Variants in DUSP7 observed in about 807,000 individuals in gnomAD.
DUSP7 encodes dual specificity phosphatase 7, also known as dual specificity protein phosphatase 7.
A neutral mutation model predicts 29.8 loss-of-function variants in DUSP7; 7 were observed. That is an observed-to-expected ratio of 0.24 (90% CI 0.13 to 0.44). The LOEUF (loss-of-function observed/expected upper bound fraction) is 0.44, where lower values mean the gene tolerates loss of function less well. DUSP7 is among the 20% of genes least tolerant of loss of function. The probability of loss-of-function intolerance (pLI) is 1.00; values close to 1 mark genes in which losing one functional copy is unlikely to be tolerated. For synonymous variants in DUSP7, 287 were observed against 275.4 expected, an observed-to-expected ratio of 1.04 and a Z score of -0.42; for missense variants, 400 against 583.7, an observed-to-expected ratio of 0.69 and a Z score of 3.24.
rs1701831132 is a variant in DUSP7, at chr3:52,050,121, C to T, written c.*694G>A. The T allele has an allele frequency of 6.6e-6, 1 of 152,240 alleles. No individual in the cohort carries two copies. Among genetic ancestry groups the T allele is most frequent in the African/African-American group, 2.4e-5 (1 of 41,448 alleles). The allele number at this position is 152,240 out of a possible 1,614,324, so 9.4% of individuals were successfully genotyped here. ...GCGGCACGACTGGGGGTCCCAATAC[C>T]TGAAGAGCAGTAAGCCACCCCTTCA... On this transcript the variant is annotated 3_prime_UTR_variant, in exon 3 of 3. Transcript: ENST00000495880. This position sits in a 1 kb window ranked among gnomAD's most constrained non-coding sequence, Gnocchi z 5.0.
intron 1 of DUSP7, 100 bp downstream of exon 1, chr3:52,055,750 G>T: frequency 7.3e-7 from 1 of 1,371,854 alleles, no homozygotes; most frequent in Non-Finnish European, 9.6e-7. Flanking sequence ...GCGCCCAGAG[G>T]GGCAGGCCGA....
intron 1 of DUSP7, 120 bp downstream of exon 1, chr3:52,055,730 G>C: frequency 7.9e-7 from 1 of 1,265,982 alleles, no homozygotes; most frequent in Non-Finnish European, 1.0e-6. Flanking sequence ...TGCGGGCCGG[G>C]GACGACGTGG....
Position 52,053,832 on chromosome 3 carries a change from C to A in DUSP7, c.952+108G>T, listed in dbSNP as rs754725054. 2.2e-5 allele frequency: 28 copies of A among 1,261,756 alleles called. No individual in the cohort carries two copies. In the South Asian group the frequency reaches 3.5e-4, roughly 16 times the overall value. The allele number at this position is 1,261,756 out of a possible 1,614,324, so 78.2% of individuals were successfully genotyped here. A position where few individuals can be genotyped will look rare whatever the true frequency, so the allele number is the denominator to read the frequency against. On this transcript the variant is annotated intron_variant, in intron 2 of 2. Coordinates refer to ENST00000495880, the MANE Select transcript of DUSP7 (RefSeq NM_001947.4). This position sits in a 1 kb window ranked among gnomAD's most constrained non-coding sequence, Gnocchi z 4.6. The stretch of plus-strand genomic sequence containing the variant: ...CACACGCTGGCACACGTAGGGCACA[C>A]ACAGGTCTCAACAGGCCCAGAGGTA...
chr3:52,056,017 T>G lies in DUSP7; in HGVS notation c.350A>C (p.Asn117Thr). The G allele has an allele frequency of 6.3e-7, 1 of 1,592,224 alleles. No homozygotes were observed. Among genetic ancestry groups the G allele is most frequent in the Non-Finnish European group, 8.5e-7 (1 of 1,169,746 alleles). The change falls in exon 1 of 3, where the codon AAC becomes ACC. Residue 117 changes from asparagine to threonine, a missense_variant. By Grantham distance (65) the Asn-to-Thr change is moderately conservative. Around this residue, in one of 4 missense-constraint regions of DUSP7, gnomAD observed 223 missense variants for 360.9 expected, o/e 0.62. Coordinates refer to ENST00000495880, the MANE Select transcript of DUSP7 (RefSeq NM_001947.4). This position sits in a 1 kb window ranked among gnomAD's most constrained non-coding sequence, Gnocchi z 6.4. ...GNLPIRSIIPNHADKERFATR... is the reference protein window; with the variant it reads ...GNLPIRSIIPTHADKERFATR... ...GGCGAAGCGCTCCTTGTCGGCGTGG[T>G]TGGGGATGATGGAGCGGATGGGCAG...
chr3:52,054,338 T>G lies in DUSP7; in HGVS notation c.554A>C (p.His185Pro). The G allele has an allele frequency of 6.5e-7, 1 of 1,548,812 alleles. No homozygotes were observed. The highest frequency in any genetic ancestry group is 8.7e-7 in the Non-Finnish European group (1 of 1,147,128). The part of the protein sequence containing the change: ...FNKFQTEYSE[H>P]CETNVDSSSS... The stretch of plus-strand genomic sequence containing the variant: ...AGAGCTGTCCACGTTGGTCTCGCAG[T>G]GCTCAGAGTACTCTGTTTGAAACTT... The change falls in exon 2 of 3, where the codon CAC (histidine) becomes CCC (proline). Residue 185 changes from histidine (H) to proline (P), a missense_variant. Transcript: ENST00000495880. This position sits in a 1 kb window ranked among gnomAD's most constrained non-coding sequence, Gnocchi z 4.1.
rs199552251 is a variant in DUSP7 at position 52,049,807 on chromosome 3, A to G, written c.*1008T>C. 6.6e-6 allele frequency: 1 copy of G among 152,248 alleles called. No individual in the cohort carries two copies. The highest frequency in any genetic ancestry group is 2.4e-5 in the African/African-American group (1 of 41,458). The allele number at this position is 152,248 out of a possible 1,614,324, so 9.4% of individuals were successfully genotyped here. A position where few individuals can be genotyped will look rare whatever the true frequency, so the allele number is the denominator to read the frequency against. On this transcript the variant is annotated 3_prime_UTR_variant, in exon 3 of 3. Coordinates refer to ENST00000495880, the MANE Select transcript of DUSP7 (RefSeq NM_001947.4). ...AAGAGAGAGAGACAGACAGACAGAC[A>G]GAAGTAGTGGCTAAGTATATAAAAG...
chr3:52,055,753 C>T (rs2106894809), intron 1 of DUSP7, 97 bp downstream of exon 1: 2 of 1,382,720 alleles, frequency 1.4e-6, no homozygotes, highest in Non-Finnish European at 1.9e-6. Flanking sequence ...CCCAGAGGGG[C>T]AGGCCGAGCG....
Position 52,054,694 on chromosome 3 carries a change from T to C in DUSP7, c.518-320A>G, listed in dbSNP as rs1258417846. On this transcript the variant is annotated intron_variant, in intron 1 of 2. Coordinates refer to ENST00000495880, the MANE Select transcript of DUSP7 (RefSeq NM_001947.4). The surrounding 1 kb of genome is among the most constrained non-coding windows in gnomAD (Gnocchi z 4.1). ...TTGAGGACAGGCCCCAGCTAATTCC[T>C]CTTCTGCAGCTCCCACGCACACCTA... Among the ~76,000 whole-genome samples the C allele has an allele frequency of 6.6e-6, 1 of 152,124 alleles. No homozygotes were observed. The highest frequency in any genetic ancestry group is 1.5e-5 in the Non-Finnish European group (1 of 68,026).
In DUSP7 at chr3:52,056,252, C is replaced by A; in HGVS notation, c.115G>T (p.Ala39Ser). Residue 39 changes from alanine (A) to serine (S), a missense_variant, in exon 1 of 3, where the codon GCA becomes TCA. By Grantham distance (99) the Ala-to-Ser change is moderately conservative. Around this residue, in one of 4 missense-constraint regions of DUSP7, gnomAD observed 96 missense variants for 97.1 expected, o/e 0.99. Transcript: ENST00000495880. This position sits in a 1 kb window ranked among gnomAD's most constrained non-coding sequence, Gnocchi z 6.4. Reference sequence around the variant, plus strand: ...GTCGCCGCGCCCGCCCCGGTGCCTGCGCCGGACCCCGACCCCGCACCGGGC... The same window carrying A: ...GTCGCCGCGCCCGCCCCGGTGCCTGAGCCGGACCCCGACCCCGCACCGGGC... ...SEPGAGSGSG[A>S]GTGAGAATGA... 1 of 1,364,498 alleles carries A rather than the reference C, an allele frequency of 7.3e-7. No homozygotes were observed. Among genetic ancestry groups the A allele is most frequent in the South Asian group, 1.7e-5 (1 of 58,604 alleles). The allele number at this position is 1,364,498 out of a possible 1,614,324, so 84.5% of individuals were successfully genotyped here. A position where few individuals can be genotyped will look rare whatever the true frequency, so the allele number is the denominator to read the frequency against.
At chr3:52,055,424 G>A (rs1435441728) in intron 1 of DUSP7, among the ~76,000 whole-genome samples, 2 of 152,204 alleles carry the variant, frequency 1.3e-5, no homozygotes, top group African/African-American at 4.8e-5. Flanking sequence ...TGCGCTGGAG[G>A]TGAGGATGGT....
At chr3:52,055,123 C>T (rs1424562444) in intron 1 of DUSP7, among the ~76,000 whole-genome samples, 1 of 152,244 alleles carries the variant, frequency 6.6e-6, no homozygotes, top group Non-Finnish European at 1.5e-5. Flanking sequence ...ATGGGCCCTG[C>T]GCCCGAGGGT....
chr3:52,053,777 A>T lies in DUSP7; in HGVS notation c.952+163T>A. The T allele has an allele frequency of 1.4e-6, 1 of 729,592 alleles. No individual in the cohort carries two copies. The highest frequency in any genetic ancestry group is 2.3e-6 in the Non-Finnish European group (1 of 442,530). 45.2% of individuals were successfully genotyped at this position (729,592 alleles called of 1,614,324 possible). A position where few individuals can be genotyped will look rare whatever the true frequency, so the allele number is the denominator to read the frequency against. ...GTAGAGGGGCCCAAGGGACTCGGTG[A>T]CTCACAGTAGGCCTGGGTACACCCA... On this transcript the variant is annotated intron_variant, in intron 2 of 2. Coordinates refer to ENST00000495880, the MANE Select transcript of DUSP7 (RefSeq NM_001947.4). This position sits in a 1 kb window ranked among gnomAD's most constrained non-coding sequence, Gnocchi z 4.6.
At chr3:52,055,764 C>A (rs1701894477) in intron 1 of DUSP7, 86 bp downstream of exon 1, 5 of 1,414,272 alleles carry the variant, frequency 3.5e-6, no homozygotes, top group Non-Finnish European at 4.6e-6. Context: ...AGGCCGAGCG[C>A]GTGGAGAGGA....
Position 52,056,187 on chromosome 3 carries a change from C to A in DUSP7, c.180G>T (p.Leu60=), listed in dbSNP as rs1423848406. 11 of 1,572,402 alleles carry A rather than the reference C, an allele frequency of 7.0e-6. No homozygotes were observed. Among genetic ancestry groups the A allele is most frequent in the Non-Finnish European group, 9.4e-6 (11 of 1,166,324 alleles). The change falls in exon 1 of 3, where the codon CTG becomes CTT. Residue 60 remains leucine, a synonymous_variant. Transcript: ENST00000495880. The surrounding 1 kb of genome is among the most constrained non-coding windows in gnomAD (Gnocchi z 6.4). ...CGCCGCGCGCCTCCAGCTCCTCCTG[C>A]AGCCACTCGGCGCTCTTGCAGGGCA... The part of the protein sequence containing the change: ...GAMPCKSAEW[L]QEELEARGGA...
chr3:52,050,989 CTT>C lies in DUSP7; in HGVS notation c.1084_1085del (p.Lys362GlufsTer20). On this transcript the variant is annotated frameshift_variant, in exon 3 of 3. Transcript: ENST00000495880. LOFTEE classifies it high-confidence loss of function. The surrounding 1 kb of genome is among the most constrained non-coding windows in gnomAD (Gnocchi z 5.0). ...TGGGCGAGATGTTGGACTTTTTCCT[CTT>C]GACAAAGTCGTAGGCGTCGTTGAGT... ...LSLNDAYDFV[K>X]RKKSNISPNF... 6.2e-7 allele frequency: 1 copy of C among 1,614,264 alleles called. No individual in the cohort carries two copies. The highest frequency in any genetic ancestry group is 8.5e-7 in the Non-Finnish European group (1 of 1,180,050).
chr3:52,052,709 T>G (rs1167802580), intron 2 of DUSP7: 1 of 152,244 alleles, frequency 6.6e-6, no homozygotes, highest in Admixed American at 6.5e-5. Flanking sequence ...ACTTGTCAAA[T>G]GAGGAAAAAG....
rs993129990 is a variant in DUSP7 at position 52,056,343 on chromosome 3, G to A, written c.24C>T (p.Pro8=). ...AAGTCGACATGTGCGCCCGCGCTGGGGGGCCGCGGAGCTGGTTTTTCATGG... is the reference window on the plus strand; with the variant it reads ...AAGTCGACATGTGCGCCCGCGCTGGAGGGCCGCGGAGCTGGTTTTTCATGG... MKNQLRG[P]PARAHMSTSG... is the part of the protein sequence containing the mutation. Residue 8 remains proline, a synonymous_variant, in exon 1 of 3, where the codon CCC becomes CCT. Coordinates refer to ENST00000495880, the MANE Select transcript of DUSP7 (RefSeq NM_001947.4). The surrounding 1 kb of genome is among the most constrained non-coding windows in gnomAD (Gnocchi z 6.4). The A allele has an allele frequency of 1.7e-6, 2 of 1,153,950 alleles. No homozygotes were observed. The highest frequency in any genetic ancestry group is 1.6e-5 in the African/African-American group (1 of 61,120). 71.5% of individuals were successfully genotyped at this position (1,153,950 alleles called of 1,614,324 possible). A position where few individuals can be genotyped will look rare whatever the true frequency, so the allele number is the denominator to read the frequency against.
In DUSP7 at chr3:52,050,689, TG is replaced by T; in HGVS notation, c.*125del. The T allele has an allele frequency of 8.8e-7, 1 of 1,131,866 alleles. No homozygotes were observed. The highest frequency in any genetic ancestry group is 1.2e-6 in the Non-Finnish European group (1 of 809,974). 70.1% of individuals were successfully genotyped at this position (1,131,866 alleles called of 1,614,324 possible). A position where few individuals can be genotyped will look rare whatever the true frequency, so the allele number is the denominator to read the frequency against. On this transcript the variant is annotated 3_prime_UTR_variant, in exon 3 of 3. Transcript: ENST00000495880. The surrounding 1 kb of genome is among the most constrained non-coding windows in gnomAD (Gnocchi z 5.0). ...AGGGGCGCTCCGACACCGATCAGCC[TG>T]GGCCTCTGGGCACAGGTGACATCTG... is the stretch of plus-strand genomic sequence containing the variant.
In DUSP7 at chr3:52,054,401, G is replaced by C. The variant is rs1294386505; in HGVS notation, c.518-27C>G. The C allele has an allele frequency of 1.3e-6, 2 of 1,514,088 alleles. No homozygotes were observed. The highest frequency in any genetic ancestry group is 1.8e-6 in the Non-Finnish European group (2 of 1,131,618). 93.8% of individuals were successfully genotyped at this position (1,514,088 alleles called of 1,614,324 possible). ...TGTGTCCAGGGTGAGACAGGGCCTGGGTGAGAGGCTGGTGAGAGCCCAGAT... is the reference window on the plus strand; with the variant it reads ...TGTGTCCAGGGTGAGACAGGGCCTGCGTGAGAGGCTGGTGAGAGCCCAGAT... On this transcript the variant is annotated intron_variant, in intron 1 of 2. Coordinates refer to ENST00000495880, the MANE Select transcript of DUSP7 (RefSeq NM_001947.4). This position sits in a 1 kb window ranked among gnomAD's most constrained non-coding sequence, Gnocchi z 4.1.
Sources: gnomAD v4.1 joint callset for allele counts (sites outside exome capture counted in the v4.1 genomes callset) on GRCh38, gnomAD v4.1.1 for gene constraint, gnomAD v4.1.1 regional missense constraint, Gnocchi (gnomAD v3.1) non-coding constraint, MANE v1.5 for transcripts, NCBI Gene and HGNC (gene_info 2026-07-23, HGNC 2026-07-21) for gene names.